The following ADAMTS16 variants were observed in gnomAD, a reference collection of about 807,000 sequenced individuals.
ADAMTS16 encodes the protein ADAM metallopeptidase with thrombospondin type 1 motif 16.
A neutral mutation model predicts 145.8 loss-of-function variants in ADAMTS16; 94 were observed. That is an observed-to-expected ratio of 0.64 (90% CI 0.55 to 0.77). The LOEUF (loss-of-function observed/expected upper bound fraction) is 0.77, where lower values mean the gene tolerates loss of function less well. Among genes scored for constraint, ADAMTS16 ranks in the 30% least tolerant of loss-of-function variants. The pLI, the probability that ADAMTS16 is intolerant of heterozygous loss-of-function variation, is 0.00. For synonymous variants in ADAMTS16, 659 were observed against 604.3 expected (o/e 1.09, Z -1.33); for missense variants, 1,585 against 1,591.5 (o/e 1.00, Z 0.07).
chr5:5,184,901 A>G (rs187091057), intron 4 of ADAMTS16, among the ~76,000 whole-genome samples: 2 of 152,270 alleles, frequency 1.3e-5, no homozygotes, highest in East Asian at 3.9e-4. Context: ...GGGGTAATTA[A>G]GAACAAGAGT....
chr5:5,299,900 G>T (rs1322727576), intron 18 of ADAMTS16, among the ~76,000 whole-genome samples: 14 of 152,238 alleles, frequency 9.2e-5, no homozygotes, highest in Admixed American at 9.2e-4. Context: ...GGAACCCTCA[G>T]ACATTAGCAC....
Position 5,239,178 on chromosome 5 carries a change from T to C in ADAMTS16, c.2182T>C (p.Ser728Pro). 2 of 1,587,128 alleles carry C rather than the reference T, an allele frequency of 1.3e-6. No homozygotes were observed. Among genetic ancestry groups the C allele is most frequent in the Non-Finnish European group, 1.7e-6 (2 of 1,168,596 alleles). Reference protein sequence around the residue: ...ERVGCDNVLGSDAVEDVCGVC... With the variant: ...ERVGCDNVLGPDAVEDVCGVC... ...AGTTGGATGTGACAATGTCCTTGGA[T>C]CTGATGCTGTTGAAGACGTCTGTGG... The change falls in exon 15 of 23, where the codon TCT becomes CCT. Residue 728 changes from serine (S) to proline (P), a missense_variant. By Grantham distance (74) the Ser-to-Pro change is moderately conservative. Transcript: ENST00000274181.
chr5:5,247,756 T>C (rs1236026021), intron 17 of ADAMTS16, among the ~76,000 whole-genome samples: 3 of 152,220 alleles, frequency 2.0e-5, no homozygotes, highest in Non-Finnish European at 4.4e-5. Flanking sequence ...GCATTTCCCT[T>C]TGCCATTGAC....
chr5:5,162,227 A>C (rs940456757), intron 3 of ADAMTS16, among the ~76,000 whole-genome samples: 9 of 152,260 alleles, frequency 5.9e-5, no homozygotes, highest in Non-Finnish European at 1.2e-4. Context: ...CATTTAAAAA[A>C]TTATTTTAGG....
chr5:5,250,028 G>A (rs565818315), intron 17 of ADAMTS16, among the ~76,000 whole-genome samples: 58 of 152,188 alleles, frequency 3.8e-4, no homozygotes, highest in Middle Eastern at 3.4e-3. Flanking sequence ...TTCTCCTCTC[G>A]ATGTTCACAT....
rs187481786 is a variant in ADAMTS16 at position 5,140,683 on chromosome 5, G to A, written c.92G>A (p.Gly31Glu). 1.5e-5 allele frequency: 24 copies of A among 1,560,086 alleles called. No individual in the cohort carries two copies. The African/African-American group carries it at 3.1e-4, about 20-fold the overall frequency. Residue 31 changes from glycine to glutamate, a missense_variant, in exon 2 of 23, where the codon GGA becomes GAA. Coordinates refer to ENST00000274181, the MANE Select transcript of ADAMTS16 (RefSeq NM_139056.4). ...VAEQAPACAM[G>E]PAAAAPGSPS... is the part of the protein sequence containing the mutation. ...CCGCAGGCACCTGCGTGCGCCATGG[G>A]ACCCGCAGCGGCAGCGCCTGGGAGC... is the stretch of plus-strand genomic sequence containing the variant.
chr5:5,288,487 G>A (rs1156513062), intron 18 of ADAMTS16, among the ~76,000 whole-genome samples: 1 of 152,126 alleles, frequency 6.6e-6, no homozygotes, highest in Non-Finnish European at 1.5e-5. Context: ...CTGAGGCTCT[G>A]AATAACTTGA....
intron 18 of ADAMTS16, 73 bp downstream of exon 18, chr5:5,262,856 A>C: frequency 1.9e-6 from 3 of 1,579,070 alleles, no homozygotes; most frequent in East Asian, 2.2e-5. Flanking sequence ...GCAGCTCCTG[A>C]TTTCGAGAGA....
rs758819088 is a variant in ADAMTS16, at chr5:5,140,672, G to T, written c.81G>T (p.Ala27=). 3.9e-5 allele frequency: 60 copies of T among 1,554,378 alleles called. No homozygotes were observed. In the Middle Eastern group the frequency reaches 7.8e-4, roughly 20 times the overall value. The change falls in exon 2 of 23, where the codon GCG becomes GCT. Residue 27 remains alanine (A), a synonymous_variant. Coordinates refer to ENST00000274181, the MANE Select transcript of ADAMTS16 (RefSeq NM_139056.4). ...GCCGCTGTTTTCCGCAGGCACCTGC[G>T]TGCGCCATGGGACCCGCAGCGGCAG... ...LLAQVAEQAP[A]CAMGPAAAAP...
intron 8 of ADAMTS16, among the ~76,000 whole-genome samples, chr5:5,196,237 C>CAAAAAAAAAAAAA (rs10680781): frequency 1.1e-5 from 1 of 95,060 alleles, no homozygotes; most frequent in African/African-American, 4.3e-5. Flanking sequence ...GCCTCCATCT[C>CAAAAAAAAAAAAA]AAAAAAAAAA....
intron 17 of ADAMTS16, among the ~76,000 whole-genome samples, chr5:5,262,064 G>A (rs1738054431): frequency 2.0e-5 from 3 of 152,202 alleles, no homozygotes; most frequent in Admixed American, 1.3e-4. Flanking sequence ...ATATAGGAAT[G>A]TTCACAAAGT....
At chr5:5,280,147 A>ACTGAATC (rs544028894) in intron 18 of ADAMTS16, among the ~76,000 whole-genome samples, 1 of 152,012 alleles carries the variant, frequency 6.6e-6, no homozygotes, top group African/African-American at 2.4e-5. Context: ...ATAATCCTGA[A>ACTGAATC]CTGAATCCTG....
Position 5,140,550 on chromosome 5 carries a change from G to A in ADAMTS16, c.72+11G>A. ...CAGGTGGCCGAGCAGGTGAGTCCCG[G>A]GCGCTCCCACCAGCGCGGAAACCGC... On this transcript the variant is annotated intron_variant, in intron 1 of 22. Coordinates refer to ENST00000274181, the MANE Select transcript of ADAMTS16 (RefSeq NM_139056.4). 1 of 1,507,858 alleles carries A rather than the reference G, an allele frequency of 6.6e-7. No individual in the cohort carries two copies. Among genetic ancestry groups the A allele is most frequent in the Non-Finnish European group, 8.8e-7 (1 of 1,137,232 alleles). 93.4% of individuals were successfully genotyped at this position (1,507,858 alleles called of 1,614,324 possible). A position where few individuals can be genotyped will look rare whatever the true frequency, so the allele number is the denominator to read the frequency against.
chr5:5,169,260 T>C (rs977715028), intron 3 of ADAMTS16, among the ~76,000 whole-genome samples: 2 of 152,220 alleles, frequency 1.3e-5, no homozygotes, highest in African/African-American at 4.8e-5. Flanking sequence ...ATTTCTTGTT[T>C]CAACGTAGAA....
chr5:5,298,181 G>T (rs1475618396), intron 18 of ADAMTS16, among the ~76,000 whole-genome samples: 1 of 152,196 alleles, frequency 6.6e-6, no homozygotes, highest in Non-Finnish European at 1.5e-5. Flanking sequence ...TGTCATTTCT[G>T]ATGTCCTGAC....
rs1164720383 is a variant in ADAMTS16 at position 5,239,763 on chromosome 5, T to C, written c.2361T>C (p.Ser787=). 5 of 1,614,084 alleles carry C rather than the reference T, an allele frequency of 3.1e-6. No individual in the cohort carries two copies. The highest frequency in any genetic ancestry group is 4.2e-6 in the Non-Finnish European group (5 of 1,180,060). Residue 787 remains serine (S), a synonymous_variant, in exon 16 of 23, where the codon TCT becomes TCC. Coordinates refer to ENST00000274181, the MANE Select transcript of ADAMTS16 (RefSeq NM_139056.4). ...YEMNVSTSYI[S]VRNALRRYYL... ...TGAACGTCTCTACCTCCTACATTTC[T>C]GTGCGCAATGCCCTCAGAAGGTACT...
intron 11 of ADAMTS16, among the ~76,000 whole-genome samples, chr5:5,231,008 G>A (rs574133146): frequency 6.6e-6 from 1 of 152,132 alleles, no homozygotes; most frequent in Non-Finnish European, 1.5e-5. Context: ...TTTTTAAAAA[G>A]GGGGGAAAAG....
At chr5:5,192,938 TC>T (rs774078366) in intron 8 of ADAMTS16, among the ~76,000 whole-genome samples, 1 of 152,214 alleles carries the variant, frequency 6.6e-6, no homozygotes, top group Non-Finnish European at 1.5e-5. Context: ...GCAAATCTTT[TC>T]CTGCTATGCT....
At chr5:5,179,237 T>G (rs1350289745) in intron 3 of ADAMTS16, among the ~76,000 whole-genome samples, 1 of 151,198 alleles carries the variant, frequency 6.6e-6, no homozygotes, top group Non-Finnish European at 1.5e-5. Context: ...AATTCTGCAG[T>G]GTCCGACTCA....
Sources: gnomAD v4.1 joint callset for allele counts (sites outside exome capture counted in the v4.1 genomes callset) on GRCh38, gnomAD v4.1.1 for gene constraint, MANE v1.5 for transcripts, NCBI Gene and HGNC (gene_info 2026-07-23, HGNC 2026-07-21) for gene names.